Variants in CLASP2 observed in about 807,000 individuals in gnomAD.
CLASP2 encodes the protein CLIP-associating protein 2.
Under a neutral mutation model 194.4 loss-of-function variants are expected in CLASP2, and 47 were observed. The ratio of observed to expected loss-of-function variants is 0.24; its 90% CI spans 0.19 to 0.31. The LOEUF is 0.31. Among genes scored for constraint, CLASP2 ranks in the 10% least tolerant of loss-of-function variants. CLASP2 has a pLI of 1.00. For synonymous variants in CLASP2, 619 were observed against 633.5 expected, an observed-to-expected ratio of 0.98 and a Z score of 0.34; for missense variants, 1,445 against 1,823.6, an observed-to-expected ratio of 0.79 and a Z score of 3.78.
chr3:33,530,626 T>C (rs534046118), intron 34 of CLASP2, among the ~76,000 whole-genome samples: 2 of 152,320 alleles, frequency 1.3e-5, no homozygotes, highest in Admixed American at 6.5e-5. Context: ...GTGTAATGCA[T>C]TGCACTATGA....
intron 2 of CLASP2, among the ~76,000 whole-genome samples, chr3:33,696,186 A>T (rs1216934651): frequency 3.3e-5 from 5 of 151,750 alleles, no homozygotes. Flanking sequence ...ATTTTGCTAT[A>T]ATTTATTCTT....
chr3:33,515,126 C>T (rs1000639956), intron 36 of CLASP2, among the ~76,000 whole-genome samples: 35 of 152,000 alleles, frequency 2.3e-4, no homozygotes, highest in African/African-American at 6.5e-4. Flanking sequence ...CAGTGTACAC[C>T]GCTAGGGTGA....
chr3:33,714,468 C>T (rs2093192745), intron 1 of CLASP2, among the ~76,000 whole-genome samples: 1 of 152,166 alleles, frequency 6.6e-6, no homozygotes, highest in South Asian at 2.1e-4. Flanking sequence ...GTTCTTCTCT[C>T]AGTCTTCCCT....
rs771373712 is a variant in CLASP2, at chr3:33,501,644, C to T, written c.4434+8G>A. ...CCACCATCTCTAAAACACAGCAGCA[C>T]TACTTACTTTACTGCCAGTAAGTTG... On this transcript the variant is annotated splice_region_variant and intron_variant, in intron 38 of 38. Transcript: ENST00000682230. 1.3e-6 allele frequency: 2 copies of T among 1,552,538 alleles called. No homozygotes were observed. The highest frequency in any genetic ancestry group is 8.9e-7 in the Non-Finnish European group (1 of 1,123,958).
At position 33,717,747 on chromosome 3, in the gene CLASP2, TC is replaced by T. The variant is rs1389086872; in HGVS notation, c.195+60del. On this transcript the variant is annotated intron_variant, in intron 1 of 38. Coordinates refer to ENST00000682230, the MANE Select transcript of CLASP2 (RefSeq NM_001365631.1). ...GAGCTTTCCCGGCCCGGCGCTCGCG[TC>T]CGGGATTAAAGGGCTGCCGCGGAGG... 3 of 1,518,006 alleles carry T rather than the reference TC, an allele frequency of 2.0e-6. No homozygotes were observed. In the East Asian group the frequency reaches 7.4e-5, roughly 37 times the overall value. 94.0% of individuals were successfully genotyped at this position (1,518,006 alleles called of 1,614,324 possible).
intron 7 of CLASP2, among the ~76,000 whole-genome samples, chr3:33,655,816 T>A (rs2084073420): frequency 6.6e-6 from 1 of 152,310 alleles, no homozygotes; most frequent in South Asian, 2.1e-4. Flanking sequence ...TAGAAAGCCA[T>A]GGTTATATCA....
At chr3:33,648,027 C>T (rs546705736) in intron 7 of CLASP2, among the ~76,000 whole-genome samples, 85 of 140,740 alleles carry the variant, frequency 6.0e-4, no homozygotes, top group Admixed American at 9.9e-4. Flanking sequence ...AGCGAGATTC[C>T]GTCTGCAAAA....
chr3:33,534,048 A>G (rs1428691794), intron 34 of CLASP2, among the ~76,000 whole-genome samples: 1 of 152,152 alleles, frequency 6.6e-6, no homozygotes, highest in South Asian at 2.1e-4. Context: ...ACACACACAA[A>G]AAGAATTATT....
At chr3:33,599,511 A>G (rs990968020) in intron 18 of CLASP2, among the ~76,000 whole-genome samples, 1 of 152,166 alleles carries the variant, frequency 6.6e-6, no homozygotes, top group African/African-American at 2.4e-5. Flanking sequence ...CTCAAAATGC[A>G]TAAAACGCAA....
chr3:33,715,542 G>A (rs1559724685), intron 1 of CLASP2, among the ~76,000 whole-genome samples: 1 of 151,928 alleles, frequency 6.6e-6, no homozygotes, highest in Non-Finnish European at 1.5e-5. Flanking sequence ...GCAATGCCTA[G>A]AAGAGTAAGT....
intron 6 of CLASP2, among the ~76,000 whole-genome samples, chr3:33,671,889 G>A (rs1163999912): frequency 6.6e-6 from 1 of 152,188 alleles, no homozygotes; most frequent in East Asian, 1.9e-4. Flanking sequence ...GAGGCTGGGA[G>A]AGGGGTGCCC....
At chr3:33,621,052 C>T (rs2077036231) in intron 11 of CLASP2, among the ~76,000 whole-genome samples, 1 of 147,996 alleles carries the variant, frequency 6.8e-6, no homozygotes, top group South Asian at 2.2e-4. Context: ...AATCTCCCCT[C>T]TTCTCTCCAG....
chr3:33,705,633 G>GA (rs1230166803), intron 1 of CLASP2, among the ~76,000 whole-genome samples: 24 of 151,924 alleles, frequency 1.6e-4, no homozygotes, highest in Non-Finnish European at 3.4e-4. Flanking sequence ...AAATAAGCAG[G>GA]AAAAAATGTG....
chr3:33,705,408 G>GT (rs1482499244), intron 1 of CLASP2, among the ~76,000 whole-genome samples: 3 of 152,114 alleles, frequency 2.0e-5, no homozygotes, highest in African/African-American at 7.2e-5. Flanking sequence ...ATGGAGGGTG[G>GT]TATAATAGCT....
chr3:33,500,604 T>A (rs538500561), intron 38 of CLASP2, among the ~76,000 whole-genome samples: 13 of 152,326 alleles, frequency 8.5e-5, no homozygotes, highest in South Asian at 4.1e-4. Context: ...TTTATCTGAA[T>A]GCATTTTTCT....
Position 33,551,601 on chromosome 3 carries a change from G to A in CLASP2, c.3010-206C>T, listed in dbSNP as rs566210129. 1.9e-3 allele frequency among the ~76,000 whole-genome samples: 283 copies of A among 152,204 alleles called. 2 individuals carry two copies. Among genetic ancestry groups the A allele is most frequent in the Non-Finnish European group, 1.6e-3 (108 of 67,998 alleles). ...CCCAAAGGGCTGGGATTACAGGCAT[G>A]AGCCATCATGCCCAGCCAGGTGATT... On this transcript the variant is annotated intron_variant, in intron 29 of 38. Coordinates refer to ENST00000682230, the MANE Select transcript of CLASP2 (RefSeq NM_001365631.1).
rs531114455 is a variant in CLASP2 at position 33,590,309 on chromosome 3, C to T, written c.2068+2086G>A. On this transcript the variant is annotated intron_variant, in intron 21 of 38. Transcript: ENST00000682230. ...CAAAGAGCCAGTATTCAAACCTGGG[C>T]AGACTCCAGTATCTATGATCTAAAC... 8.5e-5 allele frequency among the ~76,000 whole-genome samples: 13 copies of T among 152,222 alleles called. No individual in the cohort carries two copies. In the South Asian group the frequency reaches 2.7e-3, roughly 32 times the overall value.
intron 34 of CLASP2, among the ~76,000 whole-genome samples, chr3:33,522,151 C>T (rs569303403): frequency 2.0e-5 from 3 of 152,314 alleles, no homozygotes; most frequent in African/African-American, 7.2e-5. Flanking sequence ...CCTTCCCCCT[C>T]TAGCTAAAGT....
chr3:33,687,828 G>C (rs2090880224), intron 4 of CLASP2, among the ~76,000 whole-genome samples: 1 of 152,134 alleles, frequency 6.6e-6, no homozygotes, highest in Non-Finnish European at 1.5e-5. Flanking sequence ...TCTACACACA[G>C]CTACCAGCCT....
Sources: gnomAD v4.1 joint callset for allele counts (sites outside exome capture counted in the v4.1 genomes callset) on GRCh38, gnomAD v4.1.1 for gene constraint, MANE v1.5 for transcripts, NCBI Gene and HGNC (gene_info 2026-07-23, HGNC 2026-07-21) for gene names.